HERC1: variants seen among roughly 807,000 people sequenced by gnomAD.
The protein encoded by HERC1 is probable E3 ubiquitin-protein ligase HERC1.
A neutral mutation model predicts 554.3 loss-of-function variants in HERC1; 160 were observed. The ratio of observed to expected loss-of-function variants is 0.29; its 90% CI spans 0.25 to 0.33. The LOEUF is 0.33. Among genes scored for constraint, HERC1 ranks in the 10% least tolerant of loss-of-function variants. The probability of loss-of-function intolerance (pLI) is 1.00; values close to 1 mark genes in which losing one functional copy is unlikely to be tolerated. For missense variants in HERC1, 4,919 were observed against 5,918.5 expected, an observed-to-expected ratio of 0.83 and a Z score of 5.54; for synonymous variants, 2,175 against 2,131.7, an observed-to-expected ratio of 1.02 and a Z score of -0.56.
chr15:63,753,161 AAGG>A lies in HERC1; in HGVS notation c.1775-79_1775-77del, dbSNP rs1375966336. On this transcript the variant is annotated intron_variant, in intron 7 of 77. Coordinates refer to ENST00000443617, the MANE Select transcript of HERC1 (RefSeq NM_003922.4). Reference sequence around the variant, plus strand: ...TCTTTTTAACACTACTAAAGTTGATAAGGAGCTCTAATGTTTCCATCACTAACC... The same window carrying A: ...TCTTTTTAACACTACTAAAGTTGATAAGCTCTAATGTTTCCATCACTAACC... 3 of 1,094,784 alleles carry A rather than the reference AAGG, an allele frequency of 2.7e-6. No individual in the cohort carries two copies. In the African/African-American group the frequency reaches 4.7e-5, roughly 17 times the overall value. The allele number at this position is 1,094,784 out of a possible 1,614,324, so 67.8% of individuals were successfully genotyped here. A position where few individuals can be genotyped will look rare whatever the true frequency, so the allele number is the denominator to read the frequency against.
chr15:63,696,470 T>C, intron 26 of HERC1, 131 bp from the exon 27 acceptor site: 1 of 622,096 alleles, frequency 1.6e-6, no homozygotes, highest in South Asian at 2.2e-5. Context: ...AAGATAAACA[T>C]TTATTTTATT....
In HERC1 at chr15:63,684,523, A is replaced by T. The variant is rs77891602; in HGVS notation, c.6225+1836T>A. On this transcript the variant is annotated intron_variant, in intron 34 of 77. Coordinates refer to ENST00000443617, the MANE Select transcript of HERC1 (RefSeq NM_003922.4). ...CCAACCCTTCTGGACAAAAAGGTCT[A>T]GATAAAAATAACAAATGATTTTTAA... 7.4e-3 allele frequency among the ~76,000 whole-genome samples: 1,128 copies of T among 152,364 alleles called. 13 individuals are homozygous for T. The highest frequency in any genetic ancestry group is 0.026 in the African/African-American group (1,087 of 41,576).
At position 63,749,050 on chromosome 15, in the gene HERC1, T is replaced by C. The variant is rs1947835355; in HGVS notation, c.2219+317A>G. Among the ~76,000 whole-genome samples, 1 of 152,212 alleles carries C rather than the reference T, an allele frequency of 6.6e-6. No individual in the cohort carries two copies. The highest frequency in any genetic ancestry group is 2.4e-5 in the African/African-American group (1 of 41,456). ...TAAAGCCTAGTTCTGATTTTAATTATTTTAATTTCCTCTTGATATGCAGAT... is the reference window on the plus strand; with the variant it reads ...TAAAGCCTAGTTCTGATTTTAATTACTTTAATTTCCTCTTGATATGCAGAT... On this transcript the variant is annotated intron_variant, in intron 10 of 77. Coordinates refer to ENST00000443617, the MANE Select transcript of HERC1 (RefSeq NM_003922.4). The surrounding 1 kb of genome is among the most constrained non-coding windows in gnomAD (Gnocchi z 4.1).
At chr15:63,813,964 C>G (rs1424922667) in intron 1 of HERC1, among the ~76,000 whole-genome samples, 2 of 152,060 alleles carry the variant, frequency 1.3e-5, no homozygotes, top group African/African-American at 2.4e-5. Flanking sequence ...GAGGCTGAGG[C>G]AGGAGAATGG....
chr15:63,759,985 G>A (rs1478936761), intron 3 of HERC1, among the ~76,000 whole-genome samples: 1 of 152,144 alleles, frequency 6.6e-6, no homozygotes, highest in African/African-American at 2.4e-5. Context: ...TGGGGCCAAG[G>A]GAGTCAGAAT....
At chr15:63,805,857 T>C (rs1208551682) in intron 1 of HERC1, among the ~76,000 whole-genome samples, 1 of 151,678 alleles carries the variant, frequency 6.6e-6, no homozygotes, top group Non-Finnish European at 1.5e-5. Context: ...GCAGGAGGAT[T>C]GCCTGAGCCT....
At chr15:63,807,995 T>C (rs1370968983) in intron 1 of HERC1, among the ~76,000 whole-genome samples, 1 of 152,184 alleles carries the variant, frequency 6.6e-6, no homozygotes, top group Non-Finnish European at 1.5e-5. Flanking sequence ...AAATATTAGT[T>C]GTTACCCTAT....
intron 1 of HERC1, among the ~76,000 whole-genome samples, chr15:63,787,960 CA>C (rs375499946): frequency 0.013 from 572 of 45,676 alleles, no homozygotes; most frequent in East Asian, 0.028. Context: ...GACCCTGTCT[CA>C]AAAAAAAAAA....
chr15:63,634,356 T>G (rs1478471830), intron 66 of HERC1, among the ~76,000 whole-genome samples: 2 of 152,250 alleles, frequency 1.3e-5, no homozygotes, highest in Non-Finnish European at 2.9e-5. Flanking sequence ...AGATAATTAC[T>G]ACTTAGGAGC....
In HERC1 at chr15:63,833,749, G is replaced by GCA. The variant is rs1206350552; in HGVS notation, c.-27+77_-27+78insTG. 1.7e-3 allele frequency: 48 copies of GCA among 28,476 alleles called. 2 individuals carry two copies. Among genetic ancestry groups the GCA allele is most frequent in the African/African-American group, 5.5e-3 (42 of 7,606 alleles). The allele number at this position is 28,476 out of a possible 1,614,324, so 1.8% of individuals were successfully genotyped here. A position where few individuals can be genotyped will look rare whatever the true frequency, so the allele number is the denominator to read the frequency against. ...CGCGGCCGGCAAAGCACACACGCGC[G>GCA]CGCGCACACACACACACACACACAC... On this transcript the variant is annotated intron_variant, in intron 1 of 77. Coordinates refer to ENST00000443617, the MANE Select transcript of HERC1 (RefSeq NM_003922.4).
intron 26 of HERC1, among the ~76,000 whole-genome samples, chr15:63,697,931 A>G (rs1032497286): frequency 8.5e-5 from 13 of 152,228 alleles, no homozygotes; most frequent in Non-Finnish European, 1.6e-4. Flanking sequence ...AATTGTGGAC[A>G]TGTTAAAACC....
chr15:63,670,135 G>A (rs751147033), intron 39 of HERC1, among the ~76,000 whole-genome samples: 5 of 152,150 alleles, frequency 3.3e-5, no homozygotes, highest in Non-Finnish European at 7.4e-5. Flanking sequence ...TATTCACATG[G>A]ATTGAAAGTA....
At position 63,755,461 on chromosome 15, in the gene HERC1, G is replaced by A. The variant is rs1375491007; in HGVS notation, c.1534-136C>T. 3 of 704,402 alleles carry A rather than the reference G, an allele frequency of 4.3e-6. No homozygotes were observed. The East Asian group carries it at 8.1e-5, about 19-fold the overall frequency. The allele number at this position is 704,402 out of a possible 1,614,324, so 43.6% of individuals were successfully genotyped here. On this transcript the variant is annotated intron_variant, in intron 5 of 77. Transcript: ENST00000443617. ...GGAATTTCCAGGTACAGTTGTGGAG[G>A]CTGTGTTCAGGCCAAGGATGACTGG...
In HERC1 at chr15:63,727,724, G is replaced by A. The variant is rs769511833; in HGVS notation, c.3269C>T (p.Pro1090Leu). 1 of 1,613,900 alleles carries A rather than the reference G, an allele frequency of 6.2e-7. No homozygotes were observed. The highest frequency in any genetic ancestry group is 8.5e-7 in the Non-Finnish European group (1 of 1,179,854). Residue 1090 changes from proline (P) to leucine (L), a missense_variant, in exon 17 of 78, where the codon CCA becomes CTA. Coordinates refer to ENST00000443617, the MANE Select transcript of HERC1 (RefSeq NM_003922.4). This position sits in a 1 kb window ranked among gnomAD's most constrained non-coding sequence, Gnocchi z 4.3. ...GAGTCTATTAAGGCAATCAAGAGGTGGCAACAAGTCGAGGAGGTAACTCAA... is the reference window on the plus strand; with the variant it reads ...GAGTCTATTAAGGCAATCAAGAGGTAGCAACAAGTCGAGGAGGTAACTCAA... ...PLLSYLLDLL[P>L]PLDCLNRLLP...
chr15:63,784,403 T>C (rs1264523516), intron 1 of HERC1, among the ~76,000 whole-genome samples: 1 of 152,182 alleles, frequency 6.6e-6, no homozygotes, highest in African/African-American at 2.4e-5. Context: ...TATTTGTGTA[T>C]ACTGTAATAG....
Position 63,696,110 on chromosome 15 carries a change from A to G in HERC1, c.5121+14T>C, listed in dbSNP as rs752757765. 1.3e-6 allele frequency: 2 copies of G among 1,573,570 alleles called. No homozygotes were observed. Among genetic ancestry groups the G allele is most frequent in the South Asian group, 2.2e-5 (2 of 89,402 alleles). On this transcript the variant is annotated intron_variant, in intron 27 of 77. Transcript: ENST00000443617. ...GACAGTTAAAATCTGTATATACTGC[A>G]AGGTGTCACCTACCTGATAGTGATG...
In HERC1 at chr15:63,821,671, G is replaced by A. The variant is rs1290095134; in HGVS notation, c.-27+12156C>T. On this transcript the variant is annotated intron_variant, in intron 1 of 77. Coordinates refer to ENST00000443617, the MANE Select transcript of HERC1 (RefSeq NM_003922.4). ...AGTCTTGGGAGGTCAAGGCTGTAAT[G>A]AGCCATGATCCCACCACTGCACTCC... Among the ~76,000 whole-genome samples, 7 of 139,680 alleles carry A rather than the reference G, an allele frequency of 5.0e-5. No homozygotes were observed. In the South Asian group the frequency reaches 1.1e-3, roughly 23 times the overall value. The allele number at this position is 139,680 out of a possible 152,430, so 91.6% of individuals were successfully genotyped here.
Position 63,698,035 on chromosome 15 carries a change from A to G in HERC1, c.4905+693T>C, listed in dbSNP as rs529292858. On this transcript the variant is annotated intron_variant, in intron 26 of 77. Coordinates refer to ENST00000443617, the MANE Select transcript of HERC1 (RefSeq NM_003922.4). ...TTTTGCTCACTCATTTTAGCATTCA[A>G]CAGTGGGTCTTGATTGCAGCAATTA... Among the ~76,000 whole-genome samples the G allele has an allele frequency of 5.3e-5, 8 of 152,184 alleles. No homozygotes were observed. The South Asian group carries it at 8.3e-4, about 16-fold the overall frequency.
At chr15:63,683,426 G>A (rs1364480559) in intron 34 of HERC1, among the ~76,000 whole-genome samples, 1 of 152,198 alleles carries the variant, frequency 6.6e-6, no homozygotes, top group South Asian at 2.1e-4. Context: ...TCTAGATGGA[G>A]ATATAGACAT....
Sources: allele counts gnomAD v4.1 joint callset (sites outside exome capture counted in the v4.1 genomes callset), GRCh38; gene constraint gnomAD v4.1.1; non-coding constraint Gnocchi (gnomAD v3.1); transcripts MANE v1.5; gene names NCBI Gene and HGNC (gene_info 2026-07-23, HGNC 2026-07-21).